POLN: variants seen among roughly 807,000 people sequenced by gnomAD.
The protein encoded by POLN is DNA polymerase nu.
POLN carries 108 observed loss-of-function variants against 113.5 expected under a neutral mutation model. That is an observed-to-expected ratio of 0.95 (90% confidence interval 0.81 to 1.12). POLN has a LOEUF of 1.12. Ranked by LOEUF, POLN falls within the 50% of genes most tolerant of loss-of-function variation. POLN has a pLI of 0.00. For synonymous variants in POLN, 386 were observed against 391.5 expected, an observed-to-expected ratio of 0.99 and a Z score of 0.17; for missense variants, 1,097 against 1,077.1, an observed-to-expected ratio of 1.02 and a Z score of -0.26.
intron 19 of POLN, among the ~76,000 whole-genome samples, chr4:2,115,228 A>ATT (rs55938347): frequency 0.47 from 60,241 of 129,294 alleles, 15,593 homozygotes; most frequent in Admixed American, 0.55. Flanking sequence ...ATATATATAT[A>ATT]TTTTTTTTTT....
rs1734987317 is a variant in POLN at position 2,241,522 on chromosome 4, C to G, written c.-15G>C. 1.0e-6 allele frequency: 1 copy of G among 985,858 alleles called. No homozygotes were observed. The highest frequency in any genetic ancestry group is 6.1e-5 in the Admixed American group (1 of 16,280). The allele number at this position is 985,858 out of a possible 1,614,324, so 61.1% of individuals were successfully genotyped here. On this transcript the variant is annotated splice_region_variant and 5_prime_UTR_variant, in exon 2 of 26. Transcript: ENST00000511885. The stretch of plus-strand genomic sequence containing the variant: ...CTGAAGATCAACTAAATATTTACCT[C>G]AACGTCTCGCCGGGCAAGGCTCCAC...
At chr4:2,165,424 G>A (rs1471341560) in intron 13 of POLN, among the ~76,000 whole-genome samples, 1 of 152,206 alleles carries the variant, frequency 6.6e-6, no homozygotes, top group African/African-American at 2.4e-5. Flanking sequence ...GCTGGTGGGA[G>A]GGAGGGAGGA....
At chr4:2,129,755 A>C (rs1177046478) in intron 17 of POLN, among the ~76,000 whole-genome samples, 1 of 152,092 alleles carries the variant, frequency 6.6e-6, no homozygotes, top group Non-Finnish European at 1.5e-5. Context: ...GTTTTTTTTA[A>C]TTTTCTGTTC....
At position 2,135,478 on chromosome 4, in the gene POLN, T is replaced by C. The variant is rs564889238; in HGVS notation, c.1732-4188A>G. On this transcript the variant is annotated intron_variant, in intron 16 of 25. Coordinates refer to ENST00000511885, the MANE Select transcript of POLN (RefSeq NM_181808.4). The stretch of plus-strand genomic sequence containing the variant: ...CATTTCCAAACACATGAAACACTGC[T>C]GCGCTTCTCTATGGGCCTCTGTGAT... Among the ~76,000 whole-genome samples, 277 of 152,342 alleles carry C rather than the reference T, an allele frequency of 1.8e-3. 3 individuals carry two copies. Among genetic ancestry groups the C allele is most frequent in the Middle Eastern group, 3.4e-3 (1 of 294 alleles).
At chr4:2,123,773 C>T (rs944031367) in intron 19 of POLN, among the ~76,000 whole-genome samples, 7 of 151,886 alleles carry the variant, frequency 4.6e-5, no homozygotes, top group Non-Finnish European at 7.4e-5. Flanking sequence ...CCTCTGCTCT[C>T]CAGCCTAGGG....
At chr4:2,187,243 T>TTTTC (rs111978153) in intron 7 of POLN, among the ~76,000 whole-genome samples, 3 of 151,550 alleles carry the variant, frequency 2.0e-5, no homozygotes, top group African/African-American at 7.3e-5. Flanking sequence ...TGTTTGTTTG[T>TTTTC]TTTGTTTGTT....
intron 13 of POLN, among the ~76,000 whole-genome samples, chr4:2,160,165 A>C (rs1732544146): frequency 6.6e-6 from 1 of 152,192 alleles, no homozygotes; most frequent in African/African-American, 2.4e-5. Context: ...ATGAGAAGTG[A>C]TCTCTCACTG....
chr4:2,083,920 C>T (rs959903186), intron 21 of POLN, among the ~76,000 whole-genome samples: 6 of 152,260 alleles, frequency 3.9e-5, no homozygotes, highest in Admixed American at 2.0e-4. Context: ...GACGTGAGCA[C>T]ATTGCAGGGC....
At chr4:2,238,594 G>A (rs547613601) in intron 2 of POLN, 8 of 1,500,280 alleles carry the variant, frequency 5.3e-6, no homozygotes, top group Non-Finnish European at 7.2e-6. Context: ...AAACAATGAA[G>A]CATACGTACC....
chr4:2,090,769 T>C (rs2108696076), intron 20 of POLN, among the ~76,000 whole-genome samples: 1 of 152,366 alleles, frequency 6.6e-6, no homozygotes, highest in Non-Finnish European at 1.5e-5. Flanking sequence ...GGGAAAACAC[T>C]GAAATCTCAG....
rs75902871 is a variant in POLN at position 2,083,132 on chromosome 4, T to C, written c.2198-1389A>G. On this transcript the variant is annotated intron_variant, in intron 21 of 25. Coordinates refer to ENST00000511885, the MANE Select transcript of POLN (RefSeq NM_181808.4). Reference sequence around the variant, plus strand: ...ATTTTTGTGCCTAGTCCCGTAGCGTTTCACTCAATGTATGCGTATCTTAGT... The same window carrying C: ...ATTTTTGTGCCTAGTCCCGTAGCGTCTCACTCAATGTATGCGTATCTTAGT... The C allele has an allele frequency of 6.3e-4, 96 of 152,312 alleles. 1 individual carries two copies. Among genetic ancestry groups the C allele is most frequent in the African/African-American group, 2.3e-3 (94 of 41,556 alleles). The allele number at this position is 152,312 out of a possible 1,614,324, so 9.4% of individuals were successfully genotyped here. A position where few individuals can be genotyped will look rare whatever the true frequency, so the allele number is the denominator to read the frequency against.
At chr4:2,090,219 T>G in intron 20 of POLN, 1 of 812,710 alleles carries the variant, frequency 1.2e-6, no homozygotes, top group Admixed American at 2.4e-5. Context: ...TACTCTTCCC[T>G]CATTCTTGTC....
rs1732517184 is a variant in POLN at position 2,159,215 on chromosome 4, AAC to A, written c.1555-6_1555-5del. 1 of 1,599,446 alleles carries A rather than the reference AAC, an allele frequency of 6.3e-7. No individual in the cohort carries two copies. Reference sequence around the variant, plus strand: ...GAAGGTCTCGCAGAGCATTTAACTAAACATGAAAATAGATACTACCAATGTAA... The same window carrying A: ...GAAGGTCTCGCAGAGCATTTAACTAAATGAAAATAGATACTACCAATGTAA... On this transcript the variant is annotated splice_region_variant and splice_polypyrimidine_tract_variant and intron_variant, in intron 13 of 25. Coordinates refer to ENST00000511885, the MANE Select transcript of POLN (RefSeq NM_181808.4).
At chr4:2,228,779 A>G (rs1462054016) in intron 3 of POLN, 1 of 232,916 alleles carries the variant, frequency 4.3e-6, no homozygotes, top group Non-Finnish European at 8.4e-6. Context: ...AAAATAGCAA[A>G]TACTATGTAC....
intron 23 of POLN, chr4:2,080,313 G>C (rs879394083): frequency 1.0e-6 from 1 of 997,342 alleles, no homozygotes; most frequent in Non-Finnish European, 1.2e-6. Context: ...GGGAATAACT[G>C]AGGCAGGGAC....
rs1020037846 is a variant in POLN, at chr4:2,091,112, C to T, written c.2065+4739G>A. Among the ~76,000 whole-genome samples the T allele has an allele frequency of 5.9e-5, 9 of 152,204 alleles. 1 individual carries two copies. The highest frequency in any genetic ancestry group is 2.2e-4 in the African/African-American group (9 of 41,460). On this transcript the variant is annotated intron_variant, in intron 20 of 25. Transcript: ENST00000511885. ...CCAGGTGTCAGCTGACCTCCAATTTCTGTTGCTCTGGTCACTTCCCAGTGC... is the reference window on the plus strand; with the variant it reads ...CCAGGTGTCAGCTGACCTCCAATTTTTGTTGCTCTGGTCACTTCCCAGTGC...
At chr4:2,199,878 A>G (rs867185779) in intron 5 of POLN, among the ~76,000 whole-genome samples, 25 of 152,278 alleles carry the variant, frequency 1.6e-4, no homozygotes, top group South Asian at 1.0e-3. Context: ...CACCCAGCCA[A>G]CAGTTGAGTA....
intron 7 of POLN, among the ~76,000 whole-genome samples, chr4:2,182,717 T>C (rs1257093631): frequency 6.6e-6 from 1 of 151,792 alleles, no homozygotes; most frequent in Non-Finnish European, 1.5e-5. Flanking sequence ...TAAACTTGTA[T>C]GAAAAAAAAT....
intron 2 of POLN, chr4:2,238,479 TAGAA>T (rs1308915088): frequency 5.8e-6 from 3 of 515,568 alleles, no homozygotes; most frequent in Admixed American, 4.0e-5. Context: ...GGAAAAAAAA[TAGAA>T]AGGCCAAAAG....
Sources: allele counts gnomAD v4.1 joint callset (sites outside exome capture counted in the v4.1 genomes callset), GRCh38; gene constraint gnomAD v4.1.1; transcripts MANE v1.5; gene names NCBI Gene and HGNC (gene_info 2026-07-23, HGNC 2026-07-21).